Variants in DYNC2H1 observed in about 807,000 individuals in gnomAD.
DYNC2H1 encodes the protein cytoplasmic dynein 2 heavy chain 1.
DYNC2H1 carries 410 observed loss-of-function variants against 570.0 expected under a neutral mutation model. The observed-to-expected ratio is 0.72, with a 90% CI of 0.66 to 0.78. The LOEUF is 0.78. DYNC2H1 is among the 30% of genes least tolerant of loss of function. DYNC2H1 has a pLI of 0.00. For synonymous variants in DYNC2H1, 1,688 were observed against 1,677.6 expected (o/e 1.01, Z -0.15); for missense variants, 4,865 against 5,046.4 (o/e 0.96, Z 1.09).
intron 84 of DYNC2H1, among the ~76,000 whole-genome samples, chr11:103,415,192 A>T (rs1007906503): frequency 6.6e-6 from 1 of 152,202 alleles, no homozygotes; most frequent in East Asian, 1.9e-4. Flanking sequence ...CTTAAATGTT[A>T]GACCTCAAAC....
chr11:103,216,581 A>G (rs946562209), intron 55 of DYNC2H1, among the ~76,000 whole-genome samples: 9 of 152,108 alleles, frequency 5.9e-5, no homozygotes, highest in Admixed American at 5.2e-4. Context: ...GCTTGAGCCC[A>G]TGAGTTTAAG....
intron 83 of DYNC2H1, among the ~76,000 whole-genome samples, chr11:103,383,249 C>G (rs1018480613): frequency 6.6e-6 from 1 of 152,164 alleles, no homozygotes; most frequent in Non-Finnish European, 1.5e-5. Flanking sequence ...GCTTCACGTT[C>G]TTGTATAGAA....
At chr11:103,378,722 T>C (rs1941505983) in intron 83 of DYNC2H1, among the ~76,000 whole-genome samples, 1 of 152,226 alleles carries the variant, frequency 6.6e-6, no homozygotes, top group Non-Finnish European at 1.5e-5. Flanking sequence ...GATTTTTACA[T>C]CTGAAAATAT....
chr11:103,294,522 T>TAAACATA (rs1866741931), intron 75 of DYNC2H1, among the ~76,000 whole-genome samples: 1 of 152,166 alleles, frequency 6.6e-6, no homozygotes, highest in Admixed American at 6.5e-5. Flanking sequence ...GAGAATTCTC[T>TAAACATA]GGGTTCCTAG....
chr11:103,159,695 C>T lies in DYNC2H1; in HGVS notation c.4378+668C>T, dbSNP rs114620171. ...TAAAATACTTAATTTACTTGGAAAGCGCAAGCAAATGACTTCTTCTATAGA... is the reference window on the plus strand; with the variant it reads ...TAAAATACTTAATTTACTTGGAAAGTGCAAGCAAATGACTTCTTCTATAGA... On this transcript the variant is annotated intron_variant, in intron 28 of 88. Transcript: ENST00000375735. Among the ~76,000 whole-genome samples, 739 of 152,060 alleles carry T rather than the reference C, an allele frequency of 4.9e-3. 5 individuals are homozygous for T. Among genetic ancestry groups the T allele is most frequent in the African/African-American group, 0.017 (699 of 41,504 alleles).
intron 83 of DYNC2H1, among the ~76,000 whole-genome samples, chr11:103,368,562 G>A (rs1467080274): frequency 6.6e-6 from 1 of 151,676 alleles, no homozygotes; most frequent in Non-Finnish European, 1.5e-5. Context: ...TCTGTTAATT[G>A]TTTCCTTTGC....
At position 103,152,126 on chromosome 11, in the gene DYNC2H1, T is replaced by TTA. The variant is rs1860582082; in HGVS notation, c.2947-10_2947-9insTA. On this transcript the variant is annotated splice_polypyrimidine_tract_variant and intron_variant, in intron 20 of 88. Transcript: ENST00000375735. ...GTTATTCAATTTGTTTTTTTTTTTT[T>TTA]AACCTTTAGATTTTGCCCTTATTTC... The TTA allele has an allele frequency of 1.3e-6, 2 of 1,587,494 alleles. No individual in the cohort carries two copies. Among genetic ancestry groups the TTA allele is most frequent in the South Asian group, 1.2e-5 (1 of 84,734 alleles).
At chr11:103,360,361 T>C (rs370178048) in intron 83 of DYNC2H1, among the ~76,000 whole-genome samples, 26 of 152,206 alleles carry the variant, frequency 1.7e-4, no homozygotes, top group African/African-American at 6.0e-4. Context: ...TTGTATAGCT[T>C]AGGAAAGTTA....
chr11:103,447,373 C>G (rs1461384439), intron 85 of DYNC2H1, among the ~76,000 whole-genome samples: 6 of 124,400 alleles, frequency 4.8e-5, no homozygotes, highest in Non-Finnish European at 1.0e-4. Flanking sequence ...TAAAGTTAAA[C>G]AAGGTAAAAA....
intron 75 of DYNC2H1, among the ~76,000 whole-genome samples, chr11:103,301,243 T>C (rs11225669): frequency 0.17 from 26,182 of 151,896 alleles, 2,454 homozygotes; most frequent in Admixed American, 0.26. Flanking sequence ...ACTCAGTTTC[T>C]TTCTACCAGT....
At chr11:103,399,556 AGTTTTT>A in intron 83 of DYNC2H1, 101 bp from the exon 84 acceptor site, 1 of 749,400 alleles carries the variant, frequency 1.3e-6, no homozygotes, top group South Asian at 2.2e-5. Flanking sequence ...ATTTCAAAAT[AGTTTTT>A]AAAACAGAAT....
At chr11:103,368,741 A>T (rs1163665902) in intron 83 of DYNC2H1, among the ~76,000 whole-genome samples, 1 of 151,974 alleles carries the variant, frequency 6.6e-6, no homozygotes, top group African/African-American at 2.4e-5. Flanking sequence ...ATTTATTTTT[A>T]TTTTATTTTT....
intron 84 of DYNC2H1, among the ~76,000 whole-genome samples, chr11:103,429,947 ACT>A (rs1491172228): frequency 6.6e-6 from 1 of 152,174 alleles, no homozygotes; most frequent in East Asian, 1.9e-4. Context: ...TGTTTCAGGC[ACT>A]GTGATAAGCT....
chr11:103,336,946 C>A (rs750393321), intron 82 of DYNC2H1, among the ~76,000 whole-genome samples: 1 of 152,068 alleles, frequency 6.6e-6, no homozygotes, highest in Non-Finnish European at 1.5e-5. Context: ...CAAATCTGGC[C>A]CCAAAACTGG....
Position 103,204,536 on chromosome 11 carries a change from T to G in DYNC2H1, c.8312-286T>G, listed in dbSNP as rs1862849326. 6.6e-6 allele frequency among the ~76,000 whole-genome samples: 1 copy of G among 152,058 alleles called. No homozygotes were observed. Among genetic ancestry groups the G allele is most frequent in the Non-Finnish European group, 1.5e-5 (1 of 68,002 alleles). ...AACAGTTTTATATGCACTGTAGAAA[T>G]CCAAAATTGAAATAAGTAAAAAATG... On this transcript the variant is annotated intron_variant, in intron 51 of 88. Coordinates refer to ENST00000375735, the MANE Select transcript of DYNC2H1 (RefSeq NM_001377.3). This position sits in a 1 kb window ranked among gnomAD's most constrained non-coding sequence, Gnocchi z 4.1.
chr11:103,340,649 G>T (rs1211356295), intron 82 of DYNC2H1, among the ~76,000 whole-genome samples: 1 of 152,150 alleles, frequency 6.6e-6, no homozygotes, highest in Non-Finnish European at 1.5e-5. Context: ...TAGAATTTGT[G>T]TTTGTTGCTC....
intron 28 of DYNC2H1, among the ~76,000 whole-genome samples, chr11:103,160,461 G>T (rs936873374): frequency 1.3e-5 from 2 of 151,920 alleles, no homozygotes; most frequent in Non-Finnish European, 2.9e-5. Context: ...AAGTCATATA[G>T]TAAATATATG....
intron 48 of DYNC2H1, among the ~76,000 whole-genome samples, chr11:103,198,613 A>T (rs1400430023): frequency 3.3e-5 from 5 of 152,208 alleles, no homozygotes; most frequent in Non-Finnish European, 1.5e-5. Context: ...ATTGAATGTT[A>T]GTGTGGATTT....
At chr11:103,327,966 G>A (rs1397222469) in intron 82 of DYNC2H1, among the ~76,000 whole-genome samples, 3 of 152,108 alleles carry the variant, frequency 2.0e-5, no homozygotes, top group East Asian at 1.9e-4. Flanking sequence ...TCTTAACTAC[G>A]TAGTTTCTAA....
Sources: gnomAD v4.1 joint callset for allele counts (sites outside exome capture counted in the v4.1 genomes callset) on GRCh38, gnomAD v4.1.1 for gene constraint, Gnocchi (gnomAD v3.1) non-coding constraint, MANE v1.5 for transcripts, NCBI Gene and HGNC (gene_info 2026-07-23, HGNC 2026-07-21) for gene names.